CFDP1: variants seen among roughly 807,000 people sequenced by gnomAD.
CFDP1 encodes chromatin remodeling protein CFDP1.
In CFDP1, 31 loss-of-function variants were observed where a neutral mutation model predicts 40.1. The ratio of observed to expected loss-of-function variants is 0.77; its 90% CI spans 0.58 to 1.04. CFDP1 has a LOEUF of 1.04. Among genes scored for constraint, CFDP1 ranks in the 50% least tolerant of loss-of-function variants. The pLI, the probability that CFDP1 is intolerant of heterozygous loss-of-function variation, is 0.00. For synonymous variants in CFDP1, 167 were observed against 120.0 expected (o/e 1.39, Z -2.56); for missense variants, 423 against 343.4 (o/e 1.23, Z -1.83).
intron 5 of CFDP1, among the ~76,000 whole-genome samples, chr16:75,371,316 A>G (rs2078749559): frequency 6.7e-6 from 1 of 150,258 alleles, no homozygotes; most frequent in Non-Finnish European, 1.5e-5. Flanking sequence ...CATTTTAAGT[A>G]ATGTCAACAT....
chr16:75,322,821 G>A (rs984251702), intron 5 of CFDP1, among the ~76,000 whole-genome samples: 1 of 151,802 alleles, frequency 6.6e-6, no homozygotes, highest in Non-Finnish European at 1.5e-5. Context: ...TTGGGTAAGG[G>A]ATACTTAACC....
intron 5 of CFDP1, among the ~76,000 whole-genome samples, chr16:75,312,821 T>C (rs747103621): frequency 5.3e-4 from 81 of 152,330 alleles, no homozygotes; most frequent in Non-Finnish European, 9.4e-4. Flanking sequence ...ACCATCCATT[T>C]GTAATTACTA....
At chr16:75,351,881 G>A (rs1166256530) in intron 5 of CFDP1, among the ~76,000 whole-genome samples, 4 of 151,382 alleles carry the variant, frequency 2.6e-5, no homozygotes, top group East Asian at 3.9e-4. Context: ...GGTGGCACAC[G>A]CCTATAATCC....
chr16:75,355,106 A>G (rs1192202944), intron 5 of CFDP1, among the ~76,000 whole-genome samples: 1 of 152,236 alleles, frequency 6.6e-6, no homozygotes, highest in African/African-American at 2.4e-5. Context: ...TCATTTTAAA[A>G]TATTGCTAAA....
intron 5 of CFDP1, among the ~76,000 whole-genome samples, chr16:75,359,563 C>G (rs1332109311): frequency 6.6e-6 from 1 of 152,180 alleles, no homozygotes; most frequent in Non-Finnish European, 1.5e-5. Context: ...AAACTCATGC[C>G]TTGGATTTGC....
intron 5 of CFDP1, 183 bp downstream of exon 5, chr16:75,394,907 T>C (rs2078983531): frequency 2.1e-5 from 15 of 702,368 alleles, no homozygotes; most frequent in Non-Finnish European, 2.8e-5. Flanking sequence ...GCAATCCTCC[T>C]GAGAAAGTTA....
At chr16:75,399,561 T>C (rs879774436) in intron 4 of CFDP1, among the ~76,000 whole-genome samples, 16 of 152,156 alleles carry the variant, frequency 1.1e-4, no homozygotes, top group Admixed American at 2.6e-4. Flanking sequence ...TTTTTTGTTT[T>C]AAAGACAGAG....
At chr16:75,376,643 C>G (rs1052241043) in intron 5 of CFDP1, among the ~76,000 whole-genome samples, 27 of 152,188 alleles carry the variant, frequency 1.8e-4, no homozygotes, top group Admixed American at 1.7e-3. Flanking sequence ...CGGAATCATA[C>G]TATACCTTAT....
chr16:75,313,558 T>C (rs2078307790), intron 5 of CFDP1, among the ~76,000 whole-genome samples: 1 of 152,116 alleles, frequency 6.6e-6, no homozygotes, highest in South Asian at 2.1e-4. Flanking sequence ...CCATGAGGCC[T>C]GGCCTCAAGT....
At chr16:75,307,200 AC>A (rs2078264670) in intron 5 of CFDP1, among the ~76,000 whole-genome samples, 1 of 151,246 alleles carries the variant, frequency 6.6e-6, no homozygotes, top group African/African-American at 2.4e-5. Context: ...CTCTTCACTG[AC>A]CCCTTTTTAT....
intron 5 of CFDP1, among the ~76,000 whole-genome samples, chr16:75,325,885 C>A (rs2151512338): frequency 6.6e-6 from 1 of 152,328 alleles, no homozygotes; most frequent in African/African-American, 2.4e-5. Context: ...TTATTAATTG[C>A]AACAGACATT....
At chr16:75,402,491 G>C (rs905624165) in intron 4 of CFDP1, among the ~76,000 whole-genome samples, 1 of 152,030 alleles carries the variant, frequency 6.6e-6, no homozygotes, top group Non-Finnish European at 1.5e-5. Context: ...TTCAAGTAGG[G>C]ACAAAAACAA....
chr16:75,346,295 C>T (rs978989443), intron 5 of CFDP1, among the ~76,000 whole-genome samples: 2 of 151,990 alleles, frequency 1.3e-5, no homozygotes, highest in Admixed American at 1.3e-4. Flanking sequence ...TAAAGAGCAC[C>T]AGGTAGGGCT....
At chr16:75,387,701 C>T (rs374406514) in intron 5 of CFDP1, among the ~76,000 whole-genome samples, 13 of 152,314 alleles carry the variant, frequency 8.5e-5, no homozygotes, top group African/African-American at 2.4e-4. Flanking sequence ...GGATTCATAC[C>T]TCAGTAGGAA....
chr16:75,338,420 G>A (rs2078504827), intron 5 of CFDP1, among the ~76,000 whole-genome samples: 1 of 152,292 alleles, frequency 6.6e-6, no homozygotes, highest in South Asian at 2.1e-4. Context: ...GGTTGGAGAG[G>A]GGTCCATTCA....
chr16:75,421,757 T>G (rs930328178), intron 1 of CFDP1, among the ~76,000 whole-genome samples: 1 of 152,072 alleles, frequency 6.6e-6, no homozygotes, highest in African/African-American at 2.4e-5. Context: ...ACCAAAAAAC[T>G]ACAGATCGAT....
intron 4 of CFDP1, among the ~76,000 whole-genome samples, 155 bp from the exon 5 acceptor site, chr16:75,395,364 T>C (rs1442878961): frequency 6.6e-6 from 1 of 152,176 alleles, no homozygotes; most frequent in Non-Finnish European, 1.5e-5. Context: ...TAACTTTCAA[T>C]AAAGACATTT....
chr16:75,335,636 A>G (rs961734502), intron 5 of CFDP1, among the ~76,000 whole-genome samples: 1 of 149,790 alleles, frequency 6.7e-6, no homozygotes, highest in Non-Finnish European at 1.5e-5. Context: ...GGCTCACTGC[A>G]AGCTCCGCCT....
At chr16:75,389,720 TATTAG>T (rs2078931886) in intron 5 of CFDP1, among the ~76,000 whole-genome samples, 6 of 152,344 alleles carry the variant, frequency 3.9e-5, no homozygotes, top group African/African-American at 1.4e-4. Context: ...TCTTTTAAAA[TATTAG>T]ATTATTCCTA....
Sources: allele counts gnomAD v4.1 joint callset (sites outside exome capture counted in the v4.1 genomes callset), GRCh38; gene constraint gnomAD v4.1.1; transcripts MANE v1.5; gene names NCBI Gene and HGNC (gene_info 2026-07-23, HGNC 2026-07-21).